Variants in DNAH9 observed in about 807,000 individuals in gnomAD.
DNAH9 encodes dynein axonemal heavy chain 9.
DNAH9 carries 345 observed loss-of-function variants against 471.6 expected under a neutral mutation model. The ratio of observed to expected loss-of-function variants is 0.73; its 90% CI spans 0.67 to 0.80. The LOEUF (loss-of-function observed/expected upper bound fraction) is 0.80, where lower values mean the gene tolerates loss of function less well. Ranked by LOEUF, DNAH9 falls within the 30% of genes least tolerant of loss-of-function variation. The pLI, the probability that DNAH9 is intolerant of heterozygous loss-of-function variation, is 0.00. For missense variants in DNAH9, 5,407 were observed against 5,609.2 expected, an observed-to-expected ratio of 0.96 and a Z score of 1.15; for synonymous variants, 2,093 against 2,123.6, an observed-to-expected ratio of 0.99 and a Z score of 0.40.
At chr17:11,780,943 T>C in intron 38 of DNAH9, 66 bp from the exon 39 acceptor site, 7 of 1,518,628 alleles carry the variant, frequency 4.6e-6, no homozygotes, top group Admixed American at 2.0e-5. Flanking sequence ...CTTGAAATCT[T>C]TGCTGTCTCA....
At chr17:11,711,619 T>A (rs2074828561) in intron 26 of DNAH9, among the ~76,000 whole-genome samples, 1 of 151,866 alleles carries the variant, frequency 6.6e-6, no homozygotes, top group African/African-American at 2.4e-5. Context: ...TTCTTTTTTT[T>A]AGCACTTCTG....
chr17:11,715,534 T>G (rs945456853), intron 26 of DNAH9, among the ~76,000 whole-genome samples: 3 of 152,000 alleles, frequency 2.0e-5, no homozygotes, highest in African/African-American at 7.3e-5. Flanking sequence ...GGTGAAAGAG[T>G]CAAACGGCCT....
At chr17:11,694,200 A>G in intron 21 of DNAH9, 121 bp from the exon 22 acceptor site, 3 of 1,285,082 alleles carry the variant, frequency 2.3e-6, no homozygotes, top group East Asian at 4.6e-5. Context: ...AAATATCTCT[A>G]AGTGTTTCTT....
chr17:11,925,124 T>A (rs1974277433), intron 62 of DNAH9: 1 of 444,658 alleles, frequency 2.2e-6, no homozygotes, highest in Non-Finnish European at 4.5e-6. Context: ...TTGACATGGT[T>A]TATTTTATGA....
chr17:11,656,710 A>G (rs2073657204), intron 14 of DNAH9, among the ~76,000 whole-genome samples: 1 of 152,150 alleles, frequency 6.6e-6, no homozygotes, highest in African/African-American at 2.4e-5. Flanking sequence ...AACGTTTGCT[A>G]TTACCCTAGA....
At chr17:11,934,594 C>T (rs967518539) in intron 65 of DNAH9, among the ~76,000 whole-genome samples, 11 of 151,314 alleles carry the variant, frequency 7.3e-5, no homozygotes, top group Non-Finnish European at 1.2e-4. Flanking sequence ...TACAGGCGCC[C>T]GCCACCAAGC....
chr17:11,937,695 C>T lies in DNAH9; in HGVS notation c.12660+173C>T, dbSNP rs1038638112. Among the ~76,000 whole-genome samples the T allele has an allele frequency of 2.6e-5, 4 of 152,194 alleles. No homozygotes were observed. Among genetic ancestry groups the T allele is most frequent in the Non-Finnish European group, 2.9e-5 (2 of 68,040 alleles). ...TCACCGCCAAGAGCCTCTCCCCTCC[C>T]GTCATCACCATGCTGGCCATCAGTT... On this transcript the variant is annotated intron_variant, in intron 66 of 68. Transcript: ENST00000262442. This position sits in a 1 kb window ranked among gnomAD's most constrained non-coding sequence, Gnocchi z 4.1.
chr17:11,834,951 G>C, intron 49 of DNAH9, 53 bp downstream of exon 49: 1 of 1,582,428 alleles, frequency 6.3e-7, no homozygotes, highest in Non-Finnish European at 8.6e-7. Flanking sequence ...GGTAGACGCA[G>C]AGACCACCTT....
At chr17:11,636,419 G>A (rs182638328) in intron 8 of DNAH9, among the ~76,000 whole-genome samples, 1 of 152,220 alleles carries the variant, frequency 6.6e-6, no homozygotes, top group African/African-American at 2.4e-5. Flanking sequence ...TGAGTAACTC[G>A]GCAGACAGGA....
chr17:11,756,780 C>A, intron 34 of DNAH9, 104 bp downstream of exon 34: 1 of 733,968 alleles, frequency 1.4e-6, no homozygotes, highest in Non-Finnish European at 2.4e-6. Flanking sequence ...CACATGGGAG[C>A]CAGAAGCCTC....
rs145446783 is a variant in DNAH9 at position 11,690,046 on chromosome 17, G to A, written c.4224G>A (p.Leu1408=). Residue 1408 remains leucine, a synonymous_variant, in exon 20 of 69, where the codon CTG becomes CTA. Transcript: ENST00000262442. The part of the protein sequence containing the change: ...TMDQDTTLAH[L]LQLQLHHYED... ...ACCAGGACACCACCCTAGCGCACCT[G>A]CTGCAGCTCCAGCTGCACCACTATG... 2 of 1,614,068 alleles carry A rather than the reference G, an allele frequency of 1.2e-6. No individual in the cohort carries two copies. The highest frequency in any genetic ancestry group is 1.7e-6 in the Non-Finnish European group (2 of 1,180,030).
chr17:11,612,669 A>C (rs1172168636), intron 4 of DNAH9: 1 of 152,102 alleles, frequency 6.6e-6, no homozygotes, highest in Non-Finnish European at 1.5e-5. Context: ...GAAGTAGGTA[A>C]ATTTTTTTAG....
intron 61 of DNAH9, among the ~76,000 whole-genome samples, chr17:11,913,286 G>C (rs916095420): frequency 9.9e-5 from 15 of 152,084 alleles, no homozygotes; most frequent in Non-Finnish European, 1.6e-4. Flanking sequence ...TAAATTATTA[G>C]TTCAATTTAT....
intron 50 of DNAH9, among the ~76,000 whole-genome samples, chr17:11,859,246 C>T (rs1567854127): frequency 2.6e-5 from 4 of 151,916 alleles, no homozygotes; most frequent in Non-Finnish European, 5.9e-5. Flanking sequence ...AACCCTATCT[C>T]TACTAAAAAT....
At position 11,793,543 on chromosome 17, in the gene DNAH9, G is replaced by C. The variant is rs1474059198; in HGVS notation, c.8102G>C (p.Trp2701Ser). ...FSSVECVKST[W>S]DLIRLYLHES... ...TCAGTGGAATGTGTGAAATCCACAT[G>C]GGATCTTATAAGGCTCTATCTGCAT... is the stretch of plus-strand genomic sequence containing the variant. Residue 2701 changes from tryptophan (W) to serine (S), a missense_variant, in exon 42 of 69, where the codon TGG becomes TCG. Trp to Ser is a radical substitution (Grantham distance 177, BLOSUM62 -3). This residue lies in a region of DNAH9 where 4,636 missense variants were observed against 4,900.3 expected (regional missense o/e 0.95). Coordinates refer to ENST00000262442, the MANE Select transcript of DNAH9 (RefSeq NM_001372.4). The C allele has an allele frequency of 6.2e-7, 1 of 1,613,670 alleles. No homozygotes were observed. Among genetic ancestry groups the C allele is most frequent in the Non-Finnish European group, 8.5e-7 (1 of 1,179,906 alleles).
At chr17:11,865,622 C>G (rs1455963442) in intron 50 of DNAH9, among the ~76,000 whole-genome samples, 1 of 151,734 alleles carries the variant, frequency 6.6e-6, no homozygotes, top group African/African-American at 2.4e-5. Context: ...TGTTTTCCAA[C>G]TTGGTTCCAT....
Position 11,793,506 on chromosome 17 carries a change from A to G in DNAH9, c.8065A>G (p.Ile2689Val). 6.2e-7 allele frequency: 1 copy of G among 1,607,524 alleles called. No individual in the cohort carries two copies. The highest frequency in any genetic ancestry group is 8.5e-7 in the Non-Finnish European group (1 of 1,178,472). Residue 2689 changes from isoleucine (I) to valine (V), a missense_variant, in exon 42 of 69, where the codon ATT becomes GTT. By Grantham distance (29) the Ile-to-Val change is conservative. Around this residue, in one of 3 missense-constraint regions of DNAH9, gnomAD observed 4,636 missense variants for 4,900.3 expected, o/e 0.95. Transcript: ENST00000262442. Reference sequence around the variant, plus strand: ...TTTGTGTCTGTTCCCCTTGAAGGGCATTCTCTTCTCCTCAGTGGAATGTGT... The same window carrying G: ...TTTGTGTCTGTTCCCCTTGAAGGGCGTTCTCTTCTCCTCAGTGGAATGTGT... ...LRDFANIFQG[I>V]LFSSVECVKS...
chr17:11,860,808 G>A (rs749202181), intron 50 of DNAH9, among the ~76,000 whole-genome samples: 5 of 152,114 alleles, frequency 3.3e-5, no homozygotes, highest in Admixed American at 6.5e-5. Flanking sequence ...TGATCTGCCC[G>A]CCTCGGCCTC....
At chr17:11,624,513 A>AG (rs1270985760) in intron 6 of DNAH9, among the ~76,000 whole-genome samples, 1 of 152,066 alleles carries the variant, frequency 6.6e-6, no homozygotes, top group Non-Finnish European at 1.5e-5. Flanking sequence ...CATCTCAAAA[A>AG]AAAAAGAAAA....
Sources: gnomAD v4.1 joint callset for allele counts (sites outside exome capture counted in the v4.1 genomes callset) on GRCh38, gnomAD v4.1.1 for gene constraint, gnomAD v4.1.1 regional missense constraint, Gnocchi (gnomAD v3.1) non-coding constraint, MANE v1.5 for transcripts, NCBI Gene and HGNC (gene_info 2026-07-23, HGNC 2026-07-21) for gene names.